Variants in GRIK4 observed in about 807,000 individuals in gnomAD.
GRIK4 encodes glutamate receptor ionotropic, kainate 4.
Under a neutral mutation model 104.9 loss-of-function variants are expected in GRIK4, and 40 were observed. The observed-to-expected ratio is 0.38, with a 90% CI of 0.30 to 0.50. GRIK4 has a LOEUF of 0.50. Ranked by LOEUF, GRIK4 falls within the 20% of genes least tolerant of loss-of-function variation. GRIK4 has a pLI of 0.93. For synonymous variants in GRIK4, 485 were observed against 524.9 expected (o/e 0.92, Z 1.04); for missense variants, 1,047 against 1,308.1 (o/e 0.80, Z 3.08).
intron 12 of GRIK4, among the ~76,000 whole-genome samples, chr11:120,899,758 T>C (rs913099528): frequency 2.0e-4 from 30 of 152,324 alleles, no homozygotes; most frequent in African/African-American, 7.2e-4. Flanking sequence ...CCCTTTTAAC[T>C]AATCTAAAGC....
chr11:120,639,991 C>T (rs181782552), intron 1 of GRIK4, among the ~76,000 whole-genome samples: 1 of 152,282 alleles, frequency 6.6e-6, no homozygotes, highest in East Asian at 1.9e-4. Flanking sequence ...TCCCTGTCTC[C>T]TGTCCCCTCC....
chr11:120,862,219 C>A, intron 9 of GRIK4, 99 bp downstream of exon 9: 2 of 1,003,572 alleles, frequency 2.0e-6, no homozygotes, highest in South Asian at 1.5e-5. Context: ...GGAGTCCAGC[C>A]GTCTCCTGCT....
At chr11:120,568,339 A>C (rs1184708632) in intron 1 of GRIK4, among the ~76,000 whole-genome samples, 2 of 151,870 alleles carry the variant, frequency 1.3e-5, no homozygotes, top group African/African-American at 4.8e-5. Flanking sequence ...TTCTGTCCTC[A>C]GTGGAGATGG....
At chr11:120,914,423 T>C (rs988888844) in intron 13 of GRIK4, among the ~76,000 whole-genome samples, 2 of 152,146 alleles carry the variant, frequency 1.3e-5, no homozygotes, top group African/African-American at 4.8e-5. Context: ...CTGCTCAAAG[T>C]CCCATGAGTA....
chr11:120,808,196 G>A (rs1591939322), intron 4 of GRIK4, among the ~76,000 whole-genome samples: 2 of 152,180 alleles, frequency 1.3e-5, no homozygotes, highest in Admixed American at 1.3e-4. Context: ...TGTAGAGCAA[G>A]TTCTGGAGTT....
chr11:120,894,351 G>T (rs1443482301), intron 11 of GRIK4: 1 of 152,212 alleles, frequency 6.6e-6, no homozygotes, highest in East Asian at 1.9e-4. Context: ...GAGAAGCCGG[G>T]TTAAACTCCT....
At chr11:120,535,452 G>T (rs761201384) in intron 1 of GRIK4, among the ~76,000 whole-genome samples, 1 of 151,990 alleles carries the variant, frequency 6.6e-6, no homozygotes, top group Non-Finnish European at 1.5e-5. Context: ...GGAGCAGGCC[G>T]GGACCCCCAC....
At chr11:120,818,533 A>C (rs1953021154) in intron 5 of GRIK4, among the ~76,000 whole-genome samples, 2 of 152,214 alleles carry the variant, frequency 1.3e-5, no homozygotes, top group African/African-American at 4.8e-5. Flanking sequence ...CCTATGGTTT[A>C]AAGGCTAATC....
intron 7 of GRIK4, among the ~76,000 whole-genome samples, chr11:120,834,878 C>A (rs1953532348): frequency 6.6e-6 from 1 of 152,376 alleles, no homozygotes; most frequent in East Asian, 1.9e-4. Flanking sequence ...GTGACCCCGC[C>A]CGGACCCTCT....
intron 1 of GRIK4, among the ~76,000 whole-genome samples, chr11:120,594,781 C>T (rs768399162): frequency 1.3e-5 from 2 of 152,194 alleles, no homozygotes; most frequent in African/African-American, 2.4e-5. Flanking sequence ...CACTCATAGC[C>T]GTACCATGAC....
chr11:120,974,523 G>A (rs1944529419), intron 19 of GRIK4, among the ~76,000 whole-genome samples: 1 of 152,166 alleles, frequency 6.6e-6, no homozygotes, highest in Non-Finnish European at 1.5e-5. Context: ...TTTCTACTTT[G>A]TTATCCTATT....
At chr11:120,817,818 C>A (rs185437315) in intron 5 of GRIK4, among the ~76,000 whole-genome samples, 340 of 152,330 alleles carry the variant, frequency 2.2e-3, no homozygotes, top group African/African-American at 7.8e-3. Context: ...TCAGCCCTCA[C>A]CCCCTGTACG....
chr11:120,515,272 C>A (rs930865596), intron 1 of GRIK4, among the ~76,000 whole-genome samples: 1 of 152,196 alleles, frequency 6.6e-6, no homozygotes, highest in South Asian at 2.1e-4. Flanking sequence ...TCAGGCAGAC[C>A]TGGGTTCCTG....
chr11:120,866,409 A>G (rs1443830023), intron 9 of GRIK4, among the ~76,000 whole-genome samples: 7 of 152,186 alleles, frequency 4.6e-5, no homozygotes, highest in African/African-American at 7.2e-5. Context: ...CAGCATCCCA[A>G]TGGAGCAGGG....
chr11:120,634,539 A>G (rs1448588741), intron 1 of GRIK4, among the ~76,000 whole-genome samples: 1 of 151,964 alleles, frequency 6.6e-6, no homozygotes, highest in East Asian at 1.9e-4. Flanking sequence ...GCCCTCCCAG[A>G]CACCAAAGAC....
intron 11 of GRIK4, among the ~76,000 whole-genome samples, chr11:120,879,762 A>G (rs1592029047): frequency 6.6e-6 from 1 of 152,148 alleles, no homozygotes; most frequent in Non-Finnish European, 1.5e-5. Flanking sequence ...TCCACCCTCC[A>G]GTTTTTGCAC....
At position 120,917,264 on chromosome 11, in the gene GRIK4, A is replaced by AAG. The variant is rs1286749684; in HGVS notation, c.1476+11772_1476+11773insGA. On this transcript the variant is annotated intron_variant, in intron 13 of 20. Transcript: ENST00000527524. The stretch of plus-strand genomic sequence containing the variant: ...CTCCGTCTCAAAAAAAAAAAAAAAA[A>AAG]AAAAAAAAGAAAGAAAGAAAGAAAG... 2.6e-3 allele frequency among the ~76,000 whole-genome samples: 388 copies of AAG among 147,310 alleles called. 4 individuals are homozygous for AAG. Among genetic ancestry groups the AAG allele is most frequent in the Middle Eastern group, 0.01 (3 of 294 alleles).
intron 6 of GRIK4, among the ~76,000 whole-genome samples, chr11:120,821,775 C>A (rs1455654194): frequency 1.3e-5 from 2 of 152,210 alleles, no homozygotes; most frequent in African/African-American, 4.8e-5. Flanking sequence ...CTCAGGCAGT[C>A]AACAGGCGTC....
chr11:120,985,055 CTGACCTCAAG>C lies in GRIK4; in HGVS notation c.2515-845_2515-836del, dbSNP rs1361989318. On this transcript the variant is annotated intron_variant, in intron 20 of 20. Coordinates refer to ENST00000527524, the MANE Select transcript of GRIK4 (RefSeq NM_014619.5). Reference sequence around the variant, plus strand: ...TGTTGGCCAGGCTGGTCCCGAACTCCTGACCTCAAGTGATCTGCCTACCTCGGCCCTCCAA... The same window carrying C: ...TGTTGGCCAGGCTGGTCCCGAACTCCTGATCTGCCTACCTCGGCCCTCCAA... Among the ~76,000 whole-genome samples the C allele has an allele frequency of 6.6e-5, 10 of 152,148 alleles. No homozygotes were observed. The South Asian group carries it at 2.1e-3, about 32-fold the overall frequency.
Sources: gnomAD v4.1 joint callset for allele counts (sites outside exome capture counted in the v4.1 genomes callset) on GRCh38, gnomAD v4.1.1 for gene constraint, MANE v1.5 for transcripts, NCBI Gene and HGNC (gene_info 2026-07-23, HGNC 2026-07-21) for gene names.